XPOT: variants seen among roughly 807,000 people sequenced by gnomAD.
XPOT encodes the protein exportin for tRNA, also known as exportin-T.
Under a neutral mutation model 128.2 loss-of-function variants are expected in XPOT, and 34 were observed. The ratio of observed to expected loss-of-function variants is 0.27; its 90% CI spans 0.20 to 0.35. XPOT has a LOEUF of 0.35. XPOT is among the 10% of genes least tolerant of loss of function. The pLI, the probability that XPOT is intolerant of heterozygous loss-of-function variation, is 1.00. For synonymous variants in XPOT, 348 were observed against 394.3 expected (o/e 0.88, Z 1.39); for missense variants, 838 against 1,125.3 (o/e 0.74, Z 3.65).
In XPOT at chr12:64,447,758, G is replaced by A. The variant is rs1052228955; in HGVS notation, c.2863-347G>A. Among the ~76,000 whole-genome samples the A allele has an allele frequency of 3.9e-5, 6 of 152,066 alleles. No individual in the cohort carries two copies. The East Asian group carries it at 5.8e-4, about 15-fold the overall frequency. On this transcript the variant is annotated intron_variant, in intron 24 of 24. Transcript: ENST00000332707. Reference sequence around the variant, plus strand: ...TGCTGGGATTACAGGCGCCGTGCCCGTCCTCAATATTTAATTTACCAGTGT... The same window carrying A: ...TGCTGGGATTACAGGCGCCGTGCCCATCCTCAATATTTAATTTACCAGTGT...
intron 24 of XPOT, among the ~76,000 whole-genome samples, chr12:64,446,057 AG>A (rs1313330788): frequency 2.0e-5 from 3 of 152,154 alleles, no homozygotes; most frequent in Non-Finnish European, 4.4e-5. Context: ...AAGAATATTG[AG>A]GGCTTGTTTT....
At chr12:64,438,280 T>C (rs2040299065) in intron 22 of XPOT, among the ~76,000 whole-genome samples, 1 of 152,230 alleles carries the variant, frequency 6.6e-6, no homozygotes, top group South Asian at 2.1e-4. Context: ...TTCTCATCTT[T>C]TGACTGACTT....
In XPOT at chr12:64,425,455, C is replaced by T. The variant is rs1295427199; in HGVS notation, c.1570C>T (p.Leu524=). The change falls in exon 14 of 25, where the codon CTA becomes TTA. Residue 524 remains leucine, a splice_region_variant and synonymous_variant. Coordinates refer to ENST00000332707, the MANE Select transcript of XPOT (RefSeq NM_007235.6). Reference sequence around the variant, plus strand: ...TGAACCTCAGCACATTCCATGTGTACTAGTAAGTACTCTGGATTTTTGTTA... The same window carrying T: ...TGAACCTCAGCACATTCCATGTGTATTAGTAAGTACTCTGGATTTTTGTTA... ...TVEPQHIPCV[L]MAFLDHRGLR... is the part of the protein sequence containing the mutation. The T allele has an allele frequency of 1.7e-5, 28 of 1,612,888 alleles. 1 individual carries two copies. The Middle Eastern group carries it at 1.7e-3, about 95-fold the overall frequency.
rs1234239281 is a variant in XPOT at position 64,430,297 on chromosome 12, A to G, written c.1976+10A>G. Reference sequence around the variant, plus strand: ...CTGTTGGATTTGCAAGGTAAGTGTGATCACAGTTAAAATTATAAAGTGCAT... The same window carrying G: ...CTGTTGGATTTGCAAGGTAAGTGTGGTCACAGTTAAAATTATAAAGTGCAT... On this transcript the variant is annotated intron_variant, in intron 17 of 24. Coordinates refer to ENST00000332707, the MANE Select transcript of XPOT (RefSeq NM_007235.6). 6.5e-7 allele frequency: 1 copy of G among 1,544,966 alleles called. No individual in the cohort carries two copies. Among genetic ancestry groups the G allele is most frequent in the Admixed American group, 2.1e-5 (1 of 47,268 alleles).
chr12:64,410,139 A>T, intron 2 of XPOT, 44 bp downstream of exon 2: 1 of 1,587,820 alleles, frequency 6.3e-7, no homozygotes. Flanking sequence ...GTCACCACAG[A>T]TTGGCATTAG....
At chr12:64,415,121 A>C (rs2040076204) in intron 3 of XPOT, 132 bp downstream of exon 3, 3 of 615,678 alleles carry the variant, frequency 4.9e-6, no homozygotes, top group Non-Finnish European at 5.7e-6. Context: ...CAAAGCCATT[A>C]ACATATAGTC....
intron 15 of XPOT, among the ~76,000 whole-genome samples, chr12:64,427,115 AC>A (rs1372399861): frequency 1.4e-5 from 2 of 138,668 alleles, no homozygotes; most frequent in African/African-American, 2.7e-5. Flanking sequence ...TGTACTCCCG[AC>A]CTTTTTTTTT....
chr12:64,413,659 A>G (rs924650666), intron 2 of XPOT, among the ~76,000 whole-genome samples: 46 of 152,348 alleles, frequency 3.0e-4, no homozygotes, highest in African/African-American at 9.4e-4. Flanking sequence ...TCATACAGTT[A>G]CATAGTATAG....
chr12:64,412,615 CATT>C (rs1176117009), intron 2 of XPOT, among the ~76,000 whole-genome samples: 7 of 152,252 alleles, frequency 4.6e-5, no homozygotes, highest in Admixed American at 4.6e-4. Context: ...TAAAGAGAGA[CATT>C]ATTTACTCTG....
chr12:64,411,408 C>A (rs1050376308), intron 2 of XPOT, among the ~76,000 whole-genome samples: 3 of 152,102 alleles, frequency 2.0e-5, no homozygotes, highest in Non-Finnish European at 2.9e-5. Flanking sequence ...GTTCCAGCAT[C>A]CAATTTTTGG....
At position 64,425,117 on chromosome 12, in the gene XPOT, T is replaced by A. The variant is rs1303291810; in HGVS notation, c.1387T>A (p.Ser463Thr). The A allele has an allele frequency of 6.2e-7, 1 of 1,613,904 alleles. No homozygotes were observed. Among genetic ancestry groups the A allele is most frequent in the African/African-American group, 1.3e-5 (1 of 74,942 alleles). The change falls in exon 13 of 25, where the codon TCT becomes ACT. Residue 463 changes from serine (S) to threonine (T), a missense_variant. Around this residue, in one of 3 missense-constraint regions of XPOT, gnomAD observed 761 missense variants for 988.3 expected, o/e 0.77. Transcript: ENST00000332707. Reference sequence around the variant, plus strand: ...TATGTTGGCAGAAGCTCTTCCAGTATCTCATGGTGCTCACTTCTCAGGTGA... The same window carrying A: ...TATGTTGGCAGAAGCTCTTCCAGTAACTCATGGTGCTCACTTCTCAGGTGA... The part of the protein sequence containing the change: ...LYMLAEALPV[S>T]HGAHFSGDVS...
chr12:64,443,023 T>G (rs1431510022), intron 23 of XPOT: 1 of 152,394 alleles, frequency 6.6e-6, no homozygotes, highest in African/African-American at 2.4e-5. Context: ...TTTTTGTATT[T>G]TTAGTAGAGA....
At chr12:64,408,786 G>T (rs537039390) in intron 1 of XPOT, among the ~76,000 whole-genome samples, 2 of 152,176 alleles carry the variant, frequency 1.3e-5, no homozygotes, top group African/African-American at 4.8e-5. Flanking sequence ...CGATTCTTGT[G>T]CCTCAGTCAC....
intron 2 of XPOT, among the ~76,000 whole-genome samples, chr12:64,413,096 ACT>A (rs2040055711): frequency 6.6e-6 from 1 of 151,978 alleles, no homozygotes. Flanking sequence ...AAGTTTCAAC[ACT>A]CTAATCAGTT....
In XPOT at chr12:64,413,313, G is replaced by C. The variant is rs531597795; in HGVS notation, c.61-1594G>C. ...AGACAGGGTCCCACTATGTTGCCCA[G>C]GCTAGCCTTGAACTGCTGGCCTCAA... On this transcript the variant is annotated intron_variant, in intron 2 of 24. Transcript: ENST00000332707. Among the ~76,000 whole-genome samples the C allele has an allele frequency of 4.9e-4, 75 of 152,230 alleles. 1 individual carries two copies. The highest frequency in any genetic ancestry group is 1.8e-3 in the African/African-American group (73 of 41,534).
intron 23 of XPOT, chr12:64,443,142 T>A (rs900380159): frequency 1.3e-5 from 2 of 151,946 alleles, no homozygotes; most frequent in African/African-American, 2.4e-5. Flanking sequence ...CCGTGCCCGA[T>A]CCAAGGGTTT....
intron 23 of XPOT, among the ~76,000 whole-genome samples, chr12:64,443,718 G>C (rs1343976936): frequency 6.6e-6 from 1 of 152,120 alleles, no homozygotes; most frequent in Non-Finnish European, 1.5e-5. Context: ...ACCTCCCAAA[G>C]TGCTGGGATT....
At chr12:64,425,259 A>C in intron 13 of XPOT, 77 bp downstream of exon 13, 1 of 1,607,610 alleles carries the variant, frequency 6.2e-7, no homozygotes, top group Non-Finnish European at 8.5e-7. Flanking sequence ...TAATTGTTAG[A>C]GCTTAGTATA....
At chr12:64,412,968 C>T (rs1357769278) in intron 2 of XPOT, among the ~76,000 whole-genome samples, 2 of 152,090 alleles carry the variant, frequency 1.3e-5, no homozygotes, top group Non-Finnish European at 2.9e-5. Flanking sequence ...ACCACCCTCT[C>T]TAGGAACACC....
Sources: gnomAD v4.1 joint callset for allele counts (sites outside exome capture counted in the v4.1 genomes callset) on GRCh38, gnomAD v4.1.1 for gene constraint, gnomAD v4.1.1 regional missense constraint, MANE v1.5 for transcripts, NCBI Gene and HGNC (gene_info 2026-07-23, HGNC 2026-07-21) for gene names.